CSMD1: variants seen among roughly 807,000 people sequenced by gnomAD.
CSMD1 encodes the protein CUB and Sushi multiple domains 1, also known as CUB and sushi domain-containing protein 1.
In CSMD1, 213 loss-of-function variants were observed where a neutral mutation model predicts 417.5. The ratio of observed to expected loss-of-function variants is 0.51; its 90% confidence interval spans 0.46 to 0.57. CSMD1 has a LOEUF of 0.57. CSMD1 is among the 20% of genes least tolerant of loss of function. The pLI, the probability that CSMD1 is intolerant of heterozygous loss-of-function variation, is 0.00. For missense variants in CSMD1, 6,923 were observed against 4,529.7 expected (o/e 1.53, Z -15.17); for synonymous variants, 2,862 against 1,736.8 (o/e 1.65, Z -16.11).
intron 4 of CSMD1, among the ~76,000 whole-genome samples, chr8:4,008,372 G>T (rs1242151942): frequency 6.6e-6 from 1 of 151,700 alleles, no homozygotes; most frequent in Non-Finnish European, 1.5e-5. Context: ...TAATAAGCAT[G>T]AAAATATATC....
chr8:4,023,097 G>C (rs1198776840), intron 4 of CSMD1, among the ~76,000 whole-genome samples: 1 of 152,156 alleles, frequency 6.6e-6, no homozygotes, highest in African/African-American at 2.4e-5. Flanking sequence ...TTGAGCTTCA[G>C]CTAATGCAGT....
chr8:4,310,853 C>CT (rs1438832475), intron 3 of CSMD1, among the ~76,000 whole-genome samples: 2 of 152,226 alleles, frequency 1.3e-5, no homozygotes, highest in Middle Eastern at 3.4e-3. Flanking sequence ...AAAGAAATGC[C>CT]TTCTTCTCAA....
At chr8:4,427,968 T>G (rs1435944122) in intron 2 of CSMD1, among the ~76,000 whole-genome samples, 1 of 152,226 alleles carries the variant, frequency 6.6e-6, no homozygotes, top group African/African-American at 2.4e-5. Flanking sequence ...TTCTGACTCC[T>G]TGCTGTGACA....
rs113395769 is a variant in CSMD1 at position 3,371,060 on chromosome 8, C to T, written c.2783-1690G>A. Among the ~76,000 whole-genome samples the T allele has an allele frequency of 8.4e-3, 1,282 of 152,242 alleles. 20 individuals carry two copies. Among genetic ancestry groups the T allele is most frequent in the African/African-American group, 0.029 (1,219 of 41,542 alleles). The stretch of plus-strand genomic sequence containing the variant: ...TTCTCTTGACCCTGACTTCAGAGCT[C>T]CTGGTTCTTGAACCATCAGACCCAG... On this transcript the variant is annotated intron_variant, in intron 18 of 69. Coordinates refer to ENST00000635120, the MANE Select transcript of CSMD1 (RefSeq NM_033225.6).
At chr8:3,251,728 T>G (rs538284981) in intron 26 of CSMD1, among the ~76,000 whole-genome samples, 9 of 152,206 alleles carry the variant, frequency 5.9e-5, no homozygotes, top group African/African-American at 2.2e-4. Flanking sequence ...TTTGTCTCCT[T>G]TTTTATTTCA....
chr8:3,978,214 T>C (rs925079747), intron 5 of CSMD1, among the ~76,000 whole-genome samples: 1 of 152,308 alleles, frequency 6.6e-6, no homozygotes, highest in Non-Finnish European at 1.5e-5. Flanking sequence ...GTCACTGCTG[T>C]GTGCTAGGAT....
intron 3 of CSMD1, among the ~76,000 whole-genome samples, chr8:4,106,119 G>A (rs1323329560): frequency 1.3e-5 from 2 of 152,202 alleles, no homozygotes; most frequent in Non-Finnish European, 2.9e-5. Context: ...TGGGTGGAGG[G>A]AAAGTGACCA....
intron 23 of CSMD1, among the ~76,000 whole-genome samples, chr8:3,335,730 G>T (rs1247287321): frequency 6.6e-6 from 1 of 152,160 alleles, no homozygotes; most frequent in African/African-American, 2.4e-5. Context: ...TCTGTGTATG[G>T]AATGTCACCT....
chr8:4,306,844 T>A (rs1241892208), intron 3 of CSMD1, among the ~76,000 whole-genome samples: 5 of 119,944 alleles, frequency 4.2e-5, no homozygotes, highest in African/African-American at 1.3e-4. Context: ...TTAAAAAAAA[T>A]CTAATAATTT....
intron 52 of CSMD1, among the ~76,000 whole-genome samples, chr8:3,000,532 C>T (rs7821047): frequency 0.017 from 2,657 of 152,084 alleles, 66 homozygotes; most frequent in African/African-American, 0.059. Flanking sequence ...GTAAGGAGAT[C>T]GGTGAGGGGG....
intron 26 of CSMD1, among the ~76,000 whole-genome samples, chr8:3,249,398 A>G (rs1800111944): frequency 6.6e-6 from 1 of 151,950 alleles, no homozygotes; most frequent in Non-Finnish European, 1.5e-5. Context: ...ATTTTTTTGT[A>G]TTTTTAGTAG....
At chr8:4,540,558 G>C (rs1054903705) in intron 2 of CSMD1, among the ~76,000 whole-genome samples, 11 of 152,048 alleles carry the variant, frequency 7.2e-5, no homozygotes, top group African/African-American at 1.7e-4. Flanking sequence ...GGATGGGAAA[G>C]AAATGAAAAC....
chr8:4,660,608 T>TA (rs1198469894), intron 1 of CSMD1, among the ~76,000 whole-genome samples: 2 of 151,976 alleles, frequency 1.3e-5, no homozygotes, highest in Non-Finnish European at 2.9e-5. Context: ...ATCTATAAAA[T>TA]AAAAAATATT....
chr8:3,195,285 C>G (rs1338085526), intron 33 of CSMD1, among the ~76,000 whole-genome samples: 2 of 152,152 alleles, frequency 1.3e-5, no homozygotes, highest in African/African-American at 4.8e-5. Context: ...TGTGACCACC[C>G]TGTCTTAAAT....
At chr8:4,835,950 T>C (rs1008895036) in intron 1 of CSMD1, among the ~76,000 whole-genome samples, 1 of 152,268 alleles carries the variant, frequency 6.6e-6, no homozygotes, top group South Asian at 2.1e-4. Flanking sequence ...ATTTAATTTA[T>C]ATTTTGAGAA....
intron 25 of CSMD1, among the ~76,000 whole-genome samples, chr8:3,297,084 G>T (rs1804027119): frequency 6.6e-6 from 1 of 152,178 alleles, no homozygotes; most frequent in African/African-American, 2.4e-5. Flanking sequence ...CCATTAAGCA[G>T]AAAGCATCCT....
chr8:4,742,295 G>C (rs374616293), intron 1 of CSMD1, among the ~76,000 whole-genome samples: 16 of 151,820 alleles, frequency 1.1e-4, no homozygotes, highest in African/African-American at 3.9e-4. Flanking sequence ...CTCCCAAAGT[G>C]CTGAGATTAT....
At chr8:4,819,527 C>T (rs1585154101) in intron 1 of CSMD1, among the ~76,000 whole-genome samples, 2 of 152,092 alleles carry the variant, frequency 1.3e-5, no homozygotes, top group African/African-American at 2.4e-5. Context: ...ATTTTATTTT[C>T]CCTTGTGTTA....
intron 23 of CSMD1, among the ~76,000 whole-genome samples, chr8:3,310,205 CAG>C (rs1805216518): frequency 6.6e-6 from 1 of 152,164 alleles, no homozygotes; most frequent in Admixed American, 6.5e-5. Flanking sequence ...GCCAAGAAGA[CAG>C]GGCAGAAAGG....
Sources: gnomAD v4.1 joint callset for allele counts (sites outside exome capture counted in the v4.1 genomes callset) on GRCh38, gnomAD v4.1.1 for gene constraint, MANE v1.5 for transcripts, NCBI Gene and HGNC (gene_info 2026-07-23, HGNC 2026-07-21) for gene names.